ERICH1: variants seen among roughly 807,000 people sequenced by gnomAD.
ERICH1 encodes glutamate rich 1, also known as glutamate-rich protein 1.
In ERICH1, 56 loss-of-function variants were observed where a neutral mutation model predicts 39.6. The ratio of observed to expected loss-of-function variants is 1.41; its 90% CI spans 1.14 to 1.77. ERICH1 has a LOEUF of 1.77. ERICH1 is among the 40% of genes most tolerant of loss of function. ERICH1 has a pLI of 0.00. For missense variants in ERICH1, 826 were observed against 575.4 expected, an observed-to-expected ratio of 1.44 and a Z score of -4.45; for synonymous variants, 313 against 223.6, an observed-to-expected ratio of 1.40 and a Z score of -3.57.
chr8:725,275 G>A (rs766581150), intron 1 of ERICH1: 4 of 164,436 alleles, frequency 2.4e-5, no homozygotes, highest in Non-Finnish European at 5.3e-5. Context: ...CCCTACCTCC[G>A]TGTCTACTGC....
At chr8:685,593 A>AT (rs1807146124) in intron 3 of ERICH1, among the ~76,000 whole-genome samples, 1 of 152,226 alleles carries the variant, frequency 6.6e-6, no homozygotes, top group Admixed American at 6.5e-5. Flanking sequence ...AAAGACAGGC[A>AT]TAAGAAATTA....
At chr8:688,651 AT>A (rs1211806042) in intron 3 of ERICH1, among the ~76,000 whole-genome samples, 2 of 152,222 alleles carry the variant, frequency 1.3e-5, no homozygotes, top group Non-Finnish European at 2.9e-5. Flanking sequence ...AAAACAAGCC[AT>A]TTTAAGAATC....
At chr8:700,281 A>G (rs866823119) in intron 2 of ERICH1, among the ~76,000 whole-genome samples, 10 of 80,564 alleles carry the variant, frequency 1.2e-4, no homozygotes, top group Admixed American at 2.6e-4. Flanking sequence ...AGGCGCACAG[A>G]CCCGCACAGG....
intron 2 of ERICH1, among the ~76,000 whole-genome samples, chr8:707,883 C>T (rs1010550756): frequency 6.6e-6 from 1 of 152,126 alleles, no homozygotes; most frequent in Non-Finnish European, 1.5e-5. Context: ...AGAAAATATT[C>T]GCAAATCAGG....
chr8:617,520 G>C (rs1226707434), intron 3 of ERICH1, among the ~76,000 whole-genome samples: 1 of 152,036 alleles, frequency 6.6e-6, no homozygotes, highest in East Asian at 1.9e-4. Flanking sequence ...CTTGGTGCTT[G>C]GTCCATCCTC....
intron 3 of ERICH1, among the ~76,000 whole-genome samples, chr8:628,763 C>G (rs1024933443): frequency 5.3e-5 from 8 of 152,192 alleles, no homozygotes; most frequent in Non-Finnish European, 8.8e-5. Context: ...AAGCTGCAGC[C>G]CTGGGGTGAA....
intron 1 of ERICH1, among the ~76,000 whole-genome samples, chr8:719,351 G>A (rs1218828284): frequency 6.6e-6 from 1 of 152,240 alleles, no homozygotes; most frequent in Non-Finnish European, 1.5e-5. Flanking sequence ...TCTTGGGGCA[G>A]TTATTTTTTG....
chr8:622,412 G>A (rs1797339712), intron 3 of ERICH1, among the ~76,000 whole-genome samples: 1 of 152,144 alleles, frequency 6.6e-6, no homozygotes, highest in Non-Finnish European at 1.5e-5. Flanking sequence ...AGGCCCCCAA[G>A]AACTGCCTTC....
At position 627,586 on chromosome 8, in the gene ERICH1, C is replaced by G. The variant is rs570311252; in HGVS notation, c.977-12302G>C. ...GTGGCCAGGGGGTAAGAAGATGGCT[C>G]TCCAGCCGCAGGCCAAGCACCTTGT... is the stretch of plus-strand genomic sequence containing the variant. On this transcript the variant is annotated intron_variant, in intron 3 of 3. Coordinates refer to the ERICH1 transcript ENST00000522706. 6.6e-5 allele frequency among the ~76,000 whole-genome samples: 10 copies of G among 152,348 alleles called. No homozygotes were observed. In the East Asian group the frequency reaches 1.9e-3, roughly 29 times the overall value.
intron 3 of ERICH1, among the ~76,000 whole-genome samples, chr8:620,882 GAA>G (rs1797239724): frequency 6.6e-6 from 1 of 151,862 alleles, no homozygotes; most frequent in Non-Finnish European, 1.5e-5. Flanking sequence ...TGAATAGGCA[GAA>G]GATCCACACA....
At chr8:657,989 C>T (rs141028453) in intron 3 of ERICH1, among the ~76,000 whole-genome samples, 2 of 152,214 alleles carry the variant, frequency 1.3e-5, no homozygotes, top group Admixed American at 1.3e-4. Flanking sequence ...CCCACCAGCC[C>T]CCAAGGGGCA....
At chr8:628,399 T>C (rs937993884) in intron 3 of ERICH1, among the ~76,000 whole-genome samples, 1 of 152,218 alleles carries the variant, frequency 6.6e-6, no homozygotes, top group African/African-American at 2.4e-5. Context: ...GACGATCTCA[T>C]AAACAGGACC....
At chr8:629,746 C>CAGAG (rs1398775815) in intron 3 of ERICH1, among the ~76,000 whole-genome samples, 1 of 131,284 alleles carries the variant, frequency 7.6e-6, no homozygotes, top group Admixed American at 7.4e-5. Flanking sequence ...TGACAACCCA[C>CAGAG]ACAGAGCTGA....
At chr8:659,877 G>T (rs1220756889), downstream of ERICH1, among the ~76,000 whole-genome samples, 1 of 81,332 alleles carries the variant, frequency 1.2e-5, no homozygotes, top group African/African-American at 4.0e-5. Context: ...AGTGTGCACT[G>T]AATATCCTGG....
chr8:615,671 GGTAGTCA>G (rs1584917853), intron 3 of ERICH1: 2 of 169,644 alleles, frequency 1.2e-5, no homozygotes, highest in East Asian at 3.2e-4. Context: ...GTCCTGGAAA[GGTAGTCA>G]GTCTAGTCTA....
chr8:621,711 G>C (rs1797292640), intron 3 of ERICH1, among the ~76,000 whole-genome samples: 3 of 152,104 alleles, frequency 2.0e-5, no homozygotes, highest in Admixed American at 2.0e-4. Context: ...GACTACGAAA[G>C]AAAGAGAGGG....
At chr8:685,089 C>G (rs1361933347) in intron 3 of ERICH1, among the ~76,000 whole-genome samples, 2 of 152,214 alleles carry the variant, frequency 1.3e-5, no homozygotes, top group East Asian at 3.9e-4. Flanking sequence ...TGCAGGAGAC[C>G]AGGGCGTGTT....
At chr8:634,607 T>G in intron 3 of ERICH1, among the ~76,000 whole-genome samples, 1 of 152,116 alleles carries the variant, frequency 6.6e-6, no homozygotes, top group Non-Finnish European at 1.5e-5. Flanking sequence ...ATGCGTGCAG[T>G]AGGTGCCCAC....
intron 2 of ERICH1, 87 bp from the exon 3 acceptor site, chr8:692,699 T>G: frequency 1.5e-6 from 2 of 1,375,780 alleles, no homozygotes; most frequent in Non-Finnish European, 1.9e-6. Context: ...GCATTGTTTC[T>G]CTAAATTCAT....
Sources: gnomAD v4.1 joint callset for allele counts (sites outside exome capture counted in the v4.1 genomes callset) on GRCh38, gnomAD v4.1.1 for gene constraint, MANE v1.5 for transcripts, NCBI Gene and HGNC (gene_info 2026-07-23, HGNC 2026-07-21) for gene names.